SRGAP3: variants seen among roughly 807,000 people sequenced by gnomAD.
SRGAP3 encodes the protein SLIT-ROBO Rho GTPase-activating protein 3.
A neutral mutation model predicts 121.1 loss-of-function variants in SRGAP3; 39 were observed. The observed-to-expected ratio is 0.32, with a 90% CI of 0.25 to 0.42. The LOEUF (loss-of-function observed/expected upper bound fraction) is 0.42, where lower values mean the gene tolerates loss of function less well. SRGAP3 is among the 10% of genes least tolerant of loss of function. The pLI, the probability that SRGAP3 is intolerant of heterozygous loss-of-function variation, is 1.00. For missense variants in SRGAP3, 1,213 were observed against 1,470.6 expected (o/e 0.82, Z 2.86); for synonymous variants, 601 against 570.0 (o/e 1.05, Z -0.77).
intron 1 of SRGAP3, among the ~76,000 whole-genome samples, chr3:9,231,432 C>A (rs2700325): frequency 0.73 from 111,136 of 152,172 alleles, 40,788 homozygotes; most frequent in South Asian, 0.81. Context: ...TAATGAAGTT[C>A]TTTATTTTCT....
chr3:9,155,018 A>G (rs1421453514), intron 1 of SRGAP3, among the ~76,000 whole-genome samples: 2 of 147,462 alleles, frequency 1.4e-5, no homozygotes, highest in Non-Finnish European at 1.5e-5. Context: ...TTTTTTTTGC[A>G]TCCTGTTTTT....
intron 1 of SRGAP3, among the ~76,000 whole-genome samples, chr3:9,139,152 T>C (rs920144618): frequency 6.6e-6 from 1 of 152,214 alleles, no homozygotes; most frequent in Non-Finnish European, 1.5e-5. Flanking sequence ...AAAAGGCAGC[T>C]AGCACAGCAC....
chr3:9,322,259 C>T lies in SRGAP3; in HGVS notation n.442+3751G>A, dbSNP rs532019874. On this transcript the variant is annotated intron_variant and non_coding_transcript_variant, in intron 3 of 3. Coordinates refer to the SRGAP3 transcript ENST00000490889. ...AGGGGAGTGTGGTGGGAGTTGTGGC[C>T]GAACCTCAGCAAGATTTGGGTACGT... Among the ~76,000 whole-genome samples the T allele has an allele frequency of 6.6e-5, 10 of 151,748 alleles. 1 individual carries two copies. The South Asian group carries it at 1.2e-3, about 19-fold the overall frequency.
intron 17 of SRGAP3, 35 bp downstream of exon 17, chr3:9,013,273 C>A (rs370817618): frequency 1.3e-6 from 2 of 1,592,286 alleles, no homozygotes; most frequent in East Asian, 4.5e-5. Context: ...ATAACAATGA[C>A]GATGATAATA....
chr3:9,229,713 T>C (rs984774620), intron 1 of SRGAP3, among the ~76,000 whole-genome samples: 2 of 152,228 alleles, frequency 1.3e-5, no homozygotes, highest in Admixed American at 1.3e-4. Context: ...TTTCTATCTA[T>C]TTATAGGATA....
Position 8,990,513 on chromosome 3 carries a change from T to C in SRGAP3, c.2885A>G (p.Glu962Gly), listed in dbSNP as rs1425940034. ...HKSLEAEALA[E>G]DIEKTMSTAL... ...GCCTGCCTTCCCGCTGGCCCTTACT[T>C]CTGCCAGGGCCTCGGCCTCCAGGGA... Residue 962 changes from glutamate (E) to glycine (G), a missense_variant and splice_region_variant, in exon 21 of 22, where the codon GAA becomes GGA. Physicochemically the swap from Glu to Gly is moderately conservative, Grantham distance 98 (BLOSUM62 -2). Coordinates refer to ENST00000383836, the MANE Select transcript of SRGAP3 (RefSeq NM_014850.4). The C allele has an allele frequency of 6.4e-7, 1 of 1,553,866 alleles. No individual in the cohort carries two copies. The highest frequency in any genetic ancestry group is 1.4e-5 in the African/African-American group (1 of 73,372).
At chr3:9,343,341 A>T (rs1955826228) in intron 1 of SRGAP3, among the ~76,000 whole-genome samples, 1 of 152,136 alleles carries the variant, frequency 6.6e-6, no homozygotes, top group African/African-American at 2.4e-5. Flanking sequence ...TATGTCTTAA[A>T]TCAGCTTTTC....
At chr3:9,062,395 C>A (rs1396096141) in intron 5 of SRGAP3, among the ~76,000 whole-genome samples, 1 of 95,214 alleles carries the variant, frequency 1.1e-5, no homozygotes, top group Non-Finnish European at 2.9e-5. Flanking sequence ...CTATCATTCC[C>A]TGCTTGGTTA....
chr3:9,164,616 C>A (rs570526888), intron 1 of SRGAP3, among the ~76,000 whole-genome samples: 1 of 152,264 alleles, frequency 6.6e-6, no homozygotes, highest in Non-Finnish European at 1.5e-5. Context: ...ACAAAATTTA[C>A]ACACACTCAC....
intron 1 of SRGAP3, among the ~76,000 whole-genome samples, chr3:9,140,511 T>C (rs550264190): frequency 6.6e-6 from 1 of 152,344 alleles, no homozygotes; most frequent in Admixed American, 6.5e-5. Flanking sequence ...CATCAGTAAA[T>C]ATCCACTGAA....
intron 3 of SRGAP3, among the ~76,000 whole-genome samples, chr3:9,318,612 T>C (rs911249376): frequency 1.3e-5 from 2 of 151,154 alleles, no homozygotes; most frequent in Non-Finnish European, 2.9e-5. Flanking sequence ...CCGTGGCTCA[T>C]ACCTGTAATC....
At chr3:9,208,528 T>C (rs1275960200) in intron 1 of SRGAP3, among the ~76,000 whole-genome samples, 3 of 152,196 alleles carry the variant, frequency 2.0e-5, no homozygotes, top group Non-Finnish European at 4.4e-5. Flanking sequence ...TGTCTCTCAT[T>C]ACAAGAAAAG....
At chr3:9,336,463 C>T (rs558650843) in intron 1 of SRGAP3, among the ~76,000 whole-genome samples, 79 of 152,218 alleles carry the variant, frequency 5.2e-4, no homozygotes, top group Non-Finnish European at 9.9e-4. Context: ...CATCATCCCA[C>T]CTCAGACTCT....
chr3:9,201,585 C>A (rs2125158150), intron 1 of SRGAP3, among the ~76,000 whole-genome samples: 1 of 152,312 alleles, frequency 6.6e-6, no homozygotes, highest in South Asian at 2.1e-4. Context: ...GCCTTCAGGA[C>A]CCTATAACCG....
In SRGAP3 at chr3:9,058,419, G is replaced by C. The variant is rs377138665; in HGVS notation, c.855C>G (p.Leu285=). 3.1e-6 allele frequency: 5 copies of C among 1,614,118 alleles called. No individual in the cohort carries two copies. In the African/African-American group the frequency reaches 5.3e-5, roughly 17 times the overall value. Residue 285 remains leucine (L), a synonymous_variant, in exon 7 of 22, where the codon CTC becomes CTG. Coordinates refer to ENST00000383836, the MANE Select transcript of SRGAP3 (RefSeq NM_014850.4). ...AGGTCTCCAGGTTGTATTCAGCTGA[G>C]AGATAGGTCCGGAAGGTGCGGGCCA... is the stretch of plus-strand genomic sequence containing the variant. ...ASLARTFRTY[L]SAEYNLETSR... is the part of the protein sequence containing the mutation.
At chr3:9,275,737 C>T (rs976407902) in intron 3 of SRGAP3, among the ~76,000 whole-genome samples, 6 of 152,158 alleles carry the variant, frequency 3.9e-5, no homozygotes, top group South Asian at 2.1e-4. Context: ...GTGAGGCCTA[C>T]CCCATCACGT....
At chr3:9,197,455 C>G (rs1951950004) in intron 1 of SRGAP3, among the ~76,000 whole-genome samples, 1 of 152,250 alleles carries the variant, frequency 6.6e-6, no homozygotes, top group African/African-American at 2.4e-5. Flanking sequence ...CACTTTCAAA[C>G]AGAGATAATA....
At chr3:9,205,040 A>G (rs543796617) in intron 1 of SRGAP3, among the ~76,000 whole-genome samples, 2 of 152,228 alleles carry the variant, frequency 1.3e-5, no homozygotes, top group Non-Finnish European at 2.9e-5. Flanking sequence ...GTCAGCCTGG[A>G]GCTCTGGGAG....
At chr3:9,175,115 T>C (rs1951130577) in intron 1 of SRGAP3, among the ~76,000 whole-genome samples, 1 of 152,126 alleles carries the variant, frequency 6.6e-6, no homozygotes, top group African/African-American at 2.4e-5. Context: ...AGGCTGACAA[T>C]GGTTTGTTTG....
Sources: gnomAD v4.1 joint callset for allele counts (sites outside exome capture counted in the v4.1 genomes callset) on GRCh38, gnomAD v4.1.1 for gene constraint, MANE v1.5 for transcripts, NCBI Gene and HGNC (gene_info 2026-07-23, HGNC 2026-07-21) for gene names.